ACAD11: variants seen among roughly 807,000 people sequenced by gnomAD.
ACAD11 encodes the protein acyl-Coenzyme A dehydrogenase family, member 11.
In ACAD11, 83 loss-of-function variants were observed where a neutral mutation model predicts 102.2. The ratio of observed to expected loss-of-function variants is 0.81; its 90% CI spans 0.68 to 0.97. The LOEUF is 0.97. Among genes scored for constraint, ACAD11 ranks in the 50% least tolerant of loss-of-function variants. ACAD11 has a pLI of 0.00. For synonymous variants in ACAD11, 324 were observed against 319.8 expected (o/e 1.01, Z -0.14); for missense variants, 901 against 951.7 (o/e 0.95, Z 0.70).
chr3:132,658,088 CCT>C (rs1179340886), intron 1 of ACAD11, among the ~76,000 whole-genome samples: 1 of 152,122 alleles, frequency 6.6e-6, no homozygotes, highest in African/African-American at 2.4e-5. Context: ...GTCTTGAACT[CCT>C]GACCTCAAGT....
At chr3:132,637,211 T>C (rs1285749063) in intron 5 of ACAD11, among the ~76,000 whole-genome samples, 2 of 152,094 alleles carry the variant, frequency 1.3e-5, no homozygotes, top group African/African-American at 4.8e-5. Flanking sequence ...AATGATGATA[T>C]AAAGTCAGGG....
rs186483800 is a variant in ACAD11 at position 132,634,693 on chromosome 3, T to C, written c.703-3214A>G. 6.9e-3 allele frequency among the ~76,000 whole-genome samples: 1,050 copies of C among 152,204 alleles called. 8 individuals carry two copies. The highest frequency in any genetic ancestry group is 9.8e-3 in the Admixed American group (149 of 15,280). On this transcript the variant is annotated intron_variant, in intron 5 of 19. Coordinates refer to ENST00000264990, the MANE Select transcript of ACAD11 (RefSeq NM_032169.5). The stretch of plus-strand genomic sequence containing the variant: ...AATGATAGACTGGATTAAGAAAATG[T>C]GGCACATATACACTATGGAATACTA...
At chr3:132,634,020 C>T (rs1466565534) in intron 5 of ACAD11, among the ~76,000 whole-genome samples, 16 of 152,022 alleles carry the variant, frequency 1.1e-4, no homozygotes, top group Non-Finnish European at 1.8e-4. Flanking sequence ...GTCTAAAACA[C>T]CAAAAGCAAT....
At chr3:132,659,374 T>C in intron 1 of ACAD11, 2 of 548,830 alleles carry the variant, frequency 3.6e-6, no homozygotes, top group East Asian at 6.9e-5. Flanking sequence ...TTCCTTTGGA[T>C]AGTAGAATGG....
Position 132,619,512 on chromosome 3 carries a change from A to T in ACAD11, c.1231T>A (p.Ser411Thr). ...VTEFYVQNEN[S>T]VDKWGKPLVI... is the part of the protein sequence containing the mutation. ...AAAGGTTTTCCCCACTTGTCCACTG[A>T]ATTTTCATTTTGAACATAGAACTCA... Residue 411 changes from serine to threonine, a missense_variant, in exon 10 of 20, where the codon TCA (serine) becomes ACA (threonine). By Grantham distance (58) the Ser-to-Thr change is moderately conservative (BLOSUM62 1). Transcript: ENST00000264990. 2 of 1,593,594 alleles carry T rather than the reference A, an allele frequency of 1.3e-6. No homozygotes were observed. Among genetic ancestry groups the T allele is most frequent in the Non-Finnish European group, 1.7e-6 (2 of 1,172,070 alleles).
chr3:132,606,193 G>A (rs1002675381), intron 11 of ACAD11, among the ~76,000 whole-genome samples: 6 of 152,178 alleles, frequency 3.9e-5, no homozygotes, highest in African/African-American at 1.4e-4. Context: ...TTACTGAAAT[G>A]CTTATGAAAA....
intron 17 of ACAD11, among the ~76,000 whole-genome samples, chr3:132,563,389 T>C (rs929258547): frequency 3.3e-5 from 5 of 152,226 alleles, no homozygotes; most frequent in African/African-American, 1.2e-4. Flanking sequence ...TGCAGATCAA[T>C]TTGAGGATGG....
rs1352348566 is a variant in ACAD11, at chr3:132,642,712, T to A, written c.340A>T (p.Ile114Phe). ...PILYCSDTSV[I>F]GTEFYVMEHV... is the part of the protein sequence containing the mutation. ...TCCATTACGTAAAATTCTGTTCCAA[T>A]GACAGAAGTATCACTGCAGTACAGT... Residue 114 changes from isoleucine to phenylalanine, a missense_variant, in exon 3 of 20, where the codon ATT (isoleucine) becomes TTT (phenylalanine). Ile to Phe is a conservative substitution (Grantham distance 21). Coordinates refer to ENST00000264990, the MANE Select transcript of ACAD11 (RefSeq NM_032169.5). 1 of 1,611,662 alleles carries A rather than the reference T, an allele frequency of 6.2e-7. No homozygotes were observed. The highest frequency in any genetic ancestry group is 1.1e-5 in the South Asian group (1 of 90,264).
intron 10 of ACAD11, 75 bp downstream of exon 10, chr3:132,619,393 G>T: frequency 2.2e-6 from 2 of 926,220 alleles, no homozygotes; most frequent in Non-Finnish European, 3.3e-6. Context: ...TATAACAATA[G>T]CAACAACAAA....
At chr3:132,585,576 T>A (rs899545710) in intron 13 of ACAD11, among the ~76,000 whole-genome samples, 47 of 152,236 alleles carry the variant, frequency 3.1e-4, no homozygotes, top group African/African-American at 1.1e-3. Flanking sequence ...GGAGAAAATT[T>A]TTGCCATCTA....
At chr3:132,614,627 G>C (rs372828288) in intron 11 of ACAD11, among the ~76,000 whole-genome samples, 3 of 152,324 alleles carry the variant, frequency 2.0e-5, no homozygotes, top group East Asian at 3.9e-4. Flanking sequence ...GCCATATGCA[G>C]AAAGCTGAAA....
chr3:132,632,553 C>T (rs1940091847), intron 5 of ACAD11, among the ~76,000 whole-genome samples: 1 of 152,150 alleles, frequency 6.6e-6, no homozygotes, highest in Non-Finnish European at 1.5e-5. Flanking sequence ...ATTGACTTGG[C>T]AATGCGGGCT....
intron 19 of ACAD11, 41 bp downstream of exon 19, chr3:132,559,792 G>T: frequency 6.6e-7 from 1 of 1,524,414 alleles, no homozygotes; most frequent in Non-Finnish European, 9.0e-7. Flanking sequence ...TTACCTCCAC[G>T]CCTATCAAAC....
At chr3:132,560,666 C>T (rs1042943124) in intron 18 of ACAD11, among the ~76,000 whole-genome samples, 5 of 152,084 alleles carry the variant, frequency 3.3e-5, no homozygotes, top group Admixed American at 2.0e-4. Context: ...CTCCACTTCC[C>T]AAGTAGCTTG....
intron 11 of ACAD11, among the ~76,000 whole-genome samples, chr3:132,605,985 C>T (rs1938820949): frequency 6.6e-6 from 1 of 152,216 alleles, no homozygotes; most frequent in Non-Finnish European, 1.5e-5. Flanking sequence ...ACATGATGCA[C>T]TGCAGTATTG....
intron 10 of ACAD11, chr3:132,619,013 T>A: frequency 2.6e-6 from 1 of 384,386 alleles, no homozygotes; most frequent in Non-Finnish European, 4.5e-6. Flanking sequence ...GCTGAAAAAT[T>A]AAGTTTGCTA....
At chr3:132,575,529 A>G (rs1937509952) in intron 17 of ACAD11, among the ~76,000 whole-genome samples, 1 of 152,184 alleles carries the variant, frequency 6.6e-6, no homozygotes, top group Non-Finnish European at 1.5e-5. Flanking sequence ...AATCTGAGAA[A>G]GTTGAAGGAA....
At chr3:132,602,553 CT>C (rs1938658092) in intron 13 of ACAD11, among the ~76,000 whole-genome samples, 1 of 152,032 alleles carries the variant, frequency 6.6e-6, no homozygotes, top group Non-Finnish European at 1.5e-5. Flanking sequence ...TACAGCTTAT[CT>C]TTTTTAAAAA....
chr3:132,646,167 G>A (rs1190685170), intron 1 of ACAD11, among the ~76,000 whole-genome samples: 2 of 152,080 alleles, frequency 1.3e-5, no homozygotes, highest in African/African-American at 4.8e-5. Context: ...TAGTAGAGAC[G>A]GGGTTTCACC....
Sources: gnomAD v4.1 joint callset for allele counts (sites outside exome capture counted in the v4.1 genomes callset) on GRCh38, gnomAD v4.1.1 for gene constraint, MANE v1.5 for transcripts, NCBI Gene and HGNC (gene_info 2026-07-23, HGNC 2026-07-21) for gene names.